SRP19: variants seen among roughly 807,000 people sequenced by gnomAD.
SRP19 encodes the protein signal recognition particle 19.
SRP19 carries 11 observed loss-of-function variants against 22.4 expected under a neutral mutation model. That is an observed-to-expected ratio of 0.49 (90% CI 0.31 to 0.81). The LOEUF (loss-of-function observed/expected upper bound fraction) is 0.81, where lower values mean the gene tolerates loss of function less well. Ranked by LOEUF, SRP19 falls within the 40% of genes least tolerant of loss-of-function variation. The pLI is 0.05. For missense variants in SRP19, 168 were observed against 175.9 expected (o/e 0.96, Z 0.25); for synonymous variants, 61 against 57.6 (o/e 1.06, Z -0.27).
At chr5:112,875,596 G>C (rs183465930) in intron 4 of SRP19, among the ~76,000 whole-genome samples, 1 of 152,034 alleles carries the variant, frequency 6.6e-6, no homozygotes, top group East Asian at 1.9e-4. Flanking sequence ...TTGAACTCAT[G>C]CACTCAAGCA....
At chr5:112,895,801 C>G (rs1336774617), downstream of SRP19, 1 of 152,148 alleles carries the variant, frequency 6.6e-6, no homozygotes, top group East Asian at 1.9e-4. Context: ...TTAAAGTCAC[C>G]CACACAGATC....
Position 112,862,438 on chromosome 5 carries a change from C to T in SRP19, c.42-70C>T, listed in dbSNP as rs1004673217. 2.0e-5 allele frequency: 28 copies of T among 1,411,236 alleles called. No homozygotes were observed. The Admixed American group carries it at 4.8e-4, about 24-fold the overall frequency. The allele number at this position is 1,411,236 out of a possible 1,614,324, so 87.4% of individuals were successfully genotyped here. ...GCAGCATGAATTGGCCTTTGGTTCCCTGCCACCCGACCCTTTTCTCCTGCC... is the reference window on the plus strand; with the variant it reads ...GCAGCATGAATTGGCCTTTGGTTCCTTGCCACCCGACCCTTTTCTCCTGCC... On this transcript the variant is annotated intron_variant, in intron 1 of 4. Transcript: ENST00000505459.
chr5:112,870,467 C>A (rs1012569548), downstream of SRP19, among the ~76,000 whole-genome samples: 1 of 150,732 alleles, frequency 6.6e-6, no homozygotes, highest in Non-Finnish European at 1.5e-5. Flanking sequence ...CAGAGCTGGA[C>A]CCTGTCTCAA....
In SRP19 at chr5:112,868,837, C is replaced by T. The variant is rs944986463; in HGVS notation, c.*1300C>T. ...TAAACTCCCAGGCTCAAGTGATCCT[C>T]CTGCCTCAACCTCCCAAAGTGCTGG... On this transcript the variant is annotated 3_prime_UTR_variant, in exon 5 of 5. Coordinates refer to ENST00000505459, the MANE Select transcript of SRP19 (RefSeq NM_003135.3). The T allele has an allele frequency of 6.6e-6, 1 of 152,096 alleles. No homozygotes were observed. The highest frequency in any genetic ancestry group is 1.5e-5 in the Non-Finnish European group (1 of 68,028). 9.4% of individuals were successfully genotyped at this position (152,096 alleles called of 1,614,324 possible).
At chr5:112,887,191 G>A in intron 4 of SRP19, 1 of 1,571,930 alleles carries the variant, frequency 6.4e-7, no homozygotes, top group South Asian at 1.2e-5. Context: ...ACACTGCACA[G>A]AAAAAGAGCC....
At chr5:112,885,796 C>A in intron 4 of SRP19, 1 of 233,986 alleles carries the variant, frequency 4.3e-6, no homozygotes, top group Non-Finnish European at 9.0e-6. Context: ...AGACAGAGAG[C>A]CAAGCTAATG....
At chr5:112,879,141 CAG>C (rs1767987015) in intron 4 of SRP19, among the ~76,000 whole-genome samples, 1 of 152,086 alleles carries the variant, frequency 6.6e-6, no homozygotes, top group Non-Finnish European at 1.5e-5. Context: ...TTGAAAGAAG[CAG>C]AGATTCCTTA....
rs1334006466 is a variant in SRP19 at position 112,868,913 on chromosome 5, A to G, written c.*1376A>G. 2.6e-5 allele frequency: 4 copies of G among 152,050 alleles called. No individual in the cohort carries two copies. The highest frequency in any genetic ancestry group is 9.7e-5 in the African/African-American group (4 of 41,382). The allele number at this position is 152,050 out of a possible 1,614,324, so 9.4% of individuals were successfully genotyped here. A position where few individuals can be genotyped will look rare whatever the true frequency, so the allele number is the denominator to read the frequency against. The stretch of plus-strand genomic sequence containing the variant: ...TGTTGACTTTTTTTTTTTAACTCTA[A>G]CAATTTCTGTTTTATAGTGAACATA... On this transcript the variant is annotated 3_prime_UTR_variant, in exon 5 of 5. Coordinates refer to ENST00000505459, the MANE Select transcript of SRP19 (RefSeq NM_003135.3).
chr5:112,871,653 G>T (rs1767762748), downstream of SRP19, among the ~76,000 whole-genome samples: 1 of 152,098 alleles, frequency 6.6e-6, no homozygotes, highest in Admixed American at 6.5e-5. Flanking sequence ...AGCTACTCGG[G>T]AGGCTGAGGC....
intron 4 of SRP19, chr5:112,878,918 A>G (rs2150032474): frequency 1.2e-6 from 2 of 1,604,334 alleles, no homozygotes; most frequent in East Asian, 2.2e-5. Flanking sequence ...TGCCTAATGT[A>G]GCTACTAGAT....
At chr5:112,866,646 TTA>T (rs1279937732) in intron 4 of SRP19, among the ~76,000 whole-genome samples, 7 of 152,206 alleles carry the variant, frequency 4.6e-5, no homozygotes, top group Admixed American at 1.3e-4. Flanking sequence ...AGATTGTTTT[TTA>T]TATACTAAAA....
downstream of SRP19, among the ~76,000 whole-genome samples, chr5:112,874,641 A>T (rs545967995): frequency 6.6e-6 from 1 of 152,136 alleles, no homozygotes; most frequent in Non-Finnish European, 1.5e-5. Flanking sequence ...TGGACCCAAC[A>T]TTGCCCGGGC....
At chr5:112,879,465 CTTTA>C (rs1026662793) in intron 4 of SRP19, among the ~76,000 whole-genome samples, 6 of 152,112 alleles carry the variant, frequency 3.9e-5, no homozygotes, top group Admixed American at 6.6e-5. Flanking sequence ...CTTTCATATA[CTTTA>C]TTTATTTACT....
At position 112,864,637 on chromosome 5, in the gene SRP19, C is replaced by G; in HGVS notation, c.206C>G (p.Ser69Cys). 5 of 1,614,010 alleles carry G rather than the reference C, an allele frequency of 3.1e-6. No individual in the cohort carries two copies. Among genetic ancestry groups the G allele is most frequent in the Non-Finnish European group, 4.2e-6 (5 of 1,179,964 alleles). ...NVFLEKNKMY[S>C]REWNRDVQYR... Reference sequence around the variant, plus strand: ...TTATGTTAGAAAAATAAAATGTACTCTAGAGAATGGAATCGTGATGTCCAA... The same window carrying G: ...TTATGTTAGAAAAATAAAATGTACTGTAGAGAATGGAATCGTGATGTCCAA... Residue 69 changes from serine (S) to cysteine (C), a missense_variant, in exon 4 of 5, where the codon TCT becomes TGT. Ser to Cys is a moderately radical substitution (Grantham distance 112). Transcript: ENST00000505459.
At chr5:112,863,705 C>T (rs959645381) in intron 2 of SRP19, among the ~76,000 whole-genome samples, 2 of 152,114 alleles carry the variant, frequency 1.3e-5, no homozygotes, top group Admixed American at 6.5e-5. Flanking sequence ...GGCTCTGTCA[C>T]CCAGGCTGGA....
At chr5:112,890,256 A>T (rs905006184) in intron 4 of SRP19, among the ~76,000 whole-genome samples, 1 of 150,610 alleles carries the variant, frequency 6.6e-6, no homozygotes, top group Non-Finnish European at 1.5e-5. Context: ...CATCACTGCA[A>T]TCCAGGCTTG....
At chr5:112,878,619 T>C (rs1354345415) in intron 4 of SRP19, 1 of 988,754 alleles carries the variant, frequency 1.0e-6, no homozygotes. Context: ...CCTATATATA[T>C]AGACAGTAAA....
exon 5 of SRP19, chr5:112,891,718 G>T (rs200794918): frequency 6.2e-7 from 1 of 1,614,060 alleles, no homozygotes; most frequent in Non-Finnish European, 8.5e-7. Context: ...GTACAGGGCC[G>T]CCCTGAAGAA....
chr5:112,878,959 C>A (rs954518878), intron 4 of SRP19: 8 of 1,456,482 alleles, frequency 5.5e-6, no homozygotes, highest in South Asian at 4.9e-5. Context: ...TGTTCAGGTG[C>A]GATCATGTTG....
Sources: allele counts gnomAD v4.1 joint callset (sites outside exome capture counted in the v4.1 genomes callset), GRCh38; gene constraint gnomAD v4.1.1; transcripts MANE v1.5; gene names NCBI Gene and HGNC (gene_info 2026-07-23, HGNC 2026-07-21).